The following CALN1 variants were observed in gnomAD, a reference collection of about 807,000 sequenced individuals.
CALN1 encodes calcium-binding protein 8.
In CALN1, 17 loss-of-function variants were observed where a neutral mutation model predicts 30.6. The observed-to-expected ratio is 0.56, with a 90% confidence interval of 0.38 to 0.83. The LOEUF is 0.83. Ranked by LOEUF, CALN1 falls within the 40% of genes least tolerant of loss-of-function variation. The pLI is 0.00. For synonymous variants in CALN1, 156 were observed against 131.4 expected (o/e 1.19, Z -1.28); for missense variants, 291 against 354.9 (o/e 0.82, Z 1.45).
intron 5 of CALN1, among the ~76,000 whole-genome samples, chr7:71,868,659 T>C (rs1448315821): frequency 6.6e-6 from 1 of 151,800 alleles, no homozygotes; most frequent in Non-Finnish European, 1.5e-5. Context: ...ACTCATTCAC[T>C]CATTATCTCA....
intron 5 of CALN1, among the ~76,000 whole-genome samples, chr7:71,932,655 T>C (rs1159994329): frequency 6.7e-6 from 1 of 150,100 alleles, no homozygotes; most frequent in Non-Finnish European, 1.5e-5. Flanking sequence ...CTACTAAAAA[T>C]ACAAAAAAAA....
intron 3 of CALN1, among the ~76,000 whole-genome samples, chr7:72,235,230 C>T (rs796849331): frequency 9.9e-5 from 15 of 152,052 alleles, no homozygotes; most frequent in African/African-American, 3.1e-4. Flanking sequence ...GCTATGATCA[C>T]ACCACCGCAC....
intron 5 of CALN1, among the ~76,000 whole-genome samples, chr7:71,831,128 C>T (rs995079301): frequency 1.3e-5 from 2 of 152,136 alleles, no homozygotes; most frequent in Admixed American, 6.6e-5. Flanking sequence ...TACCCTGAAG[C>T]AGGTCATTTA....
intron 3 of CALN1, among the ~76,000 whole-genome samples, chr7:72,136,578 A>G (rs1175779360): frequency 6.6e-6 from 1 of 152,168 alleles, no homozygotes; most frequent in Non-Finnish European, 1.5e-5. Context: ...TCCTTCAAGT[A>G]CTTTTCCTTT....
intron 5 of CALN1, among the ~76,000 whole-genome samples, chr7:71,811,047 A>G (rs994848368): frequency 7.2e-5 from 11 of 151,928 alleles, no homozygotes; most frequent in Non-Finnish European, 5.9e-5. Flanking sequence ...GGTGCCCGCC[A>G]CCACGCCCGG....
chr7:72,343,804 T>G (rs1261613079), intron 2 of CALN1, among the ~76,000 whole-genome samples: 3 of 152,200 alleles, frequency 2.0e-5, no homozygotes, highest in Non-Finnish European at 2.9e-5. Flanking sequence ...TAGAAAGGAC[T>G]ACTGTTTCTC....
At chr7:72,109,663 G>A (rs1255300827) in intron 3 of CALN1, among the ~76,000 whole-genome samples, 2 of 152,192 alleles carry the variant, frequency 1.3e-5, no homozygotes, top group African/African-American at 4.8e-5. Context: ...CCACTACTCA[G>A]CTTGAGGTCA....
At chr7:72,245,742 T>A (rs1326593859) in intron 3 of CALN1, among the ~76,000 whole-genome samples, 1 of 152,220 alleles carries the variant, frequency 6.6e-6, no homozygotes, top group African/African-American at 2.4e-5. Context: ...GGGATTTTCA[T>A]CCAGGTATCT....
At chr7:71,872,214 C>G (rs1791978122) in intron 5 of CALN1, among the ~76,000 whole-genome samples, 1 of 152,114 alleles carries the variant, frequency 6.6e-6, no homozygotes, top group South Asian at 2.1e-4. Flanking sequence ...ATTGACTTAT[C>G]CCCATCACTA....
At chr7:72,087,574 G>A (rs989616973) in intron 4 of CALN1, among the ~76,000 whole-genome samples, 2 of 152,160 alleles carry the variant, frequency 1.3e-5, no homozygotes, top group Admixed American at 6.5e-5. Context: ...TTAGAAAAGC[G>A]ACAAGAGATA....
chr7:71,923,027 T>TATACTATTCTATA (rs138129976), intron 5 of CALN1, among the ~76,000 whole-genome samples: 2 of 149,618 alleles, frequency 1.3e-5, no homozygotes, highest in African/African-American at 5.0e-5. Context: ...ACTATACTAT[T>TATACTATTCTATA]CTATACTATA....
At chr7:72,239,172 G>A (rs1479251570) in intron 3 of CALN1, among the ~76,000 whole-genome samples, 2 of 152,150 alleles carry the variant, frequency 1.3e-5, no homozygotes, top group Non-Finnish European at 2.9e-5. Flanking sequence ...CAAGACAGGA[G>A]GATCACTAGA....
At chr7:72,355,738 A>C (rs1803183131) in intron 2 of CALN1, among the ~76,000 whole-genome samples, 1 of 152,294 alleles carries the variant, frequency 6.6e-6, no homozygotes, top group East Asian at 1.9e-4. Context: ...GAAAAAAACA[A>C]TCTGTAGTGA....
At chr7:72,266,698 G>A (rs1006023710) in intron 3 of CALN1, among the ~76,000 whole-genome samples, 4 of 152,144 alleles carry the variant, frequency 2.6e-5, no homozygotes, top group African/African-American at 4.8e-5. Context: ...GGCAGGGAAG[G>A]TAGGTACTCG....
At chr7:71,830,559 GC>G (rs1789212353) in intron 5 of CALN1, among the ~76,000 whole-genome samples, 1 of 151,930 alleles carries the variant, frequency 6.6e-6, no homozygotes, top group South Asian at 2.1e-4. Flanking sequence ...TGTTGTCCAG[GC>G]CGGTCTTGAA....
chr7:72,269,683 G>A (rs1796843329), intron 3 of CALN1, among the ~76,000 whole-genome samples: 1 of 152,178 alleles, frequency 6.6e-6, no homozygotes, highest in Admixed American at 6.5e-5. Flanking sequence ...TGGTCAGCCA[G>A]TAATTGAATT....
At chr7:72,273,677 T>A (rs557154796) in intron 3 of CALN1, among the ~76,000 whole-genome samples, 66 of 151,688 alleles carry the variant, frequency 4.4e-4, no homozygotes, top group Non-Finnish European at 8.5e-4. Flanking sequence ...CACCAACACA[T>A]CCAGCTAATT....
chr7:72,428,837 A>T (rs1379145788), intron 1 of CALN1, among the ~76,000 whole-genome samples: 1 of 152,152 alleles, frequency 6.6e-6, no homozygotes, highest in Non-Finnish European at 1.5e-5. Context: ...CATCTGTTTA[A>T]AAAATACAAA....
chr7:72,185,234 A>G (rs902265214), intron 3 of CALN1, among the ~76,000 whole-genome samples: 2 of 152,196 alleles, frequency 1.3e-5, no homozygotes, highest in African/African-American at 2.4e-5. Flanking sequence ...AAAAATGTAC[A>G]TGGGAAAGAG....
Sources: gnomAD v4.1 joint callset for allele counts (sites outside exome capture counted in the v4.1 genomes callset) on GRCh38, gnomAD v4.1.1 for gene constraint, MANE v1.5 for transcripts, NCBI Gene and HGNC (gene_info 2026-07-23, HGNC 2026-07-21) for gene names.